CCSER2: variants seen among roughly 807,000 people sequenced by gnomAD.
The protein encoded by CCSER2 is coiled-coil serine rich protein 2, also known as serine-rich coiled-coil domain-containing protein 2.
A neutral mutation model predicts 92.3 loss-of-function variants in CCSER2; 46 were observed. The ratio of observed to expected loss-of-function variants is 0.50; its 90% confidence interval spans 0.39 to 0.64. The LOEUF is 0.64. CCSER2 is among the 30% of genes least tolerant of loss of function. The pLI is 0.00. For synonymous variants in CCSER2, 433 were observed against 431.4 expected (o/e 1.00, Z -0.04); for missense variants, 1,244 against 1,238.9 (o/e 1.00, Z -0.06).
chr10:84,457,909 T>C (rs1845871533), intron 6 of CCSER2, among the ~76,000 whole-genome samples: 1 of 151,020 alleles, frequency 6.6e-6, no homozygotes, highest in South Asian at 2.1e-4. Flanking sequence ...GCCCAGCTAA[T>C]TTTTTGTATT....
At chr10:84,358,697 C>T (rs1285311891) in intron 1 of CCSER2, among the ~76,000 whole-genome samples, 2 of 149,156 alleles carry the variant, frequency 1.3e-5, no homozygotes, top group African/African-American at 4.9e-5. Flanking sequence ...CACACACACA[C>T]GTGTATATAT....
At chr10:84,340,221 C>G (rs1282091977) in intron 1 of CCSER2, among the ~76,000 whole-genome samples, 1 of 152,198 alleles carries the variant, frequency 6.6e-6, no homozygotes, top group Non-Finnish European at 1.5e-5. Context: ...CATTATGCCT[C>G]TTCCATCTGT....
At chr10:84,428,816 G>GT (rs1247977105) in intron 5 of CCSER2, among the ~76,000 whole-genome samples, 1 of 151,958 alleles carries the variant, frequency 6.6e-6, no homozygotes, top group East Asian at 1.9e-4. Flanking sequence ...TCATGAAAGG[G>GT]TGTTGGATTT....
chr10:84,457,259 A>T lies in CCSER2; in HGVS notation c.2065-6674A>T, dbSNP rs1288591382. Among the ~76,000 whole-genome samples the T allele has an allele frequency of 6.0e-3, 333 of 55,074 alleles. 15 individuals are homozygous for T. The highest frequency in any genetic ancestry group is 0.051 in the Admixed American group (143 of 2,790). 36.1% of individuals were successfully genotyped at this position (55,074 alleles called of 152,430 possible). On this transcript the variant is annotated intron_variant, in intron 6 of 9. Transcript: ENST00000372088. ...ATATTATATATTATATATTATATAA[A>T]ATATATTATATATAATATATTATAT...
chr10:84,442,174 C>G (rs1185794375), intron 6 of CCSER2, among the ~76,000 whole-genome samples: 1 of 151,398 alleles, frequency 6.6e-6, no homozygotes, highest in Non-Finnish European at 1.5e-5. Flanking sequence ...AAGACAAATT[C>G]AGAAGGTTGG....
At chr10:84,458,180 T>G (rs1488707612) in intron 6 of CCSER2, among the ~76,000 whole-genome samples, 1 of 152,200 alleles carries the variant, frequency 6.6e-6, no homozygotes, top group Non-Finnish European at 1.5e-5. Context: ...GTTTTAAGTT[T>G]GAAACTTAGG....
chr10:84,389,544 G>A, intron 3 of CCSER2: 1 of 267,042 alleles, frequency 3.7e-6, no homozygotes. Flanking sequence ...GGGGGCCAGT[G>A]CAGATGTGGC....
At chr10:84,479,281 A>G (rs1847326178) in intron 9 of CCSER2, among the ~76,000 whole-genome samples, 1 of 152,242 alleles carries the variant, frequency 6.6e-6, no homozygotes, top group Non-Finnish European at 1.5e-5. Flanking sequence ...TGGCATAGCA[A>G]AGTTCCCATA....
At chr10:84,338,405 T>A (rs1164691430) in intron 1 of CCSER2, among the ~76,000 whole-genome samples, 1 of 152,192 alleles carries the variant, frequency 6.6e-6, no homozygotes, top group Non-Finnish European at 1.5e-5. Flanking sequence ...TACTTTTTTT[T>A]CTTTTGGCAT....
In CCSER2 at chr10:84,518,315, C is replaced by G. The variant is rs972856092; in HGVS notation, c.*4048C>G. The stretch of plus-strand genomic sequence containing the variant: ...AGCGTTTACTTAACAAAATAATACC[C>G]GAGAATGTAAGGTCTCTAAGTCATT... On this transcript the variant is annotated 3_prime_UTR_variant, in exon 10 of 10. Coordinates refer to ENST00000372088, the MANE Select transcript of CCSER2 (RefSeq NM_001284240.2). 2 of 152,398 alleles carry G rather than the reference C, an allele frequency of 1.3e-5. No homozygotes were observed. Among genetic ancestry groups the G allele is most frequent in the Non-Finnish European group, 2.9e-5 (2 of 68,010 alleles). The allele number at this position is 152,398 out of a possible 1,614,324, so 9.4% of individuals were successfully genotyped here. A position where few individuals can be genotyped will look rare whatever the true frequency, so the allele number is the denominator to read the frequency against.
chr10:84,506,915 G>A (rs1397716520), intron 9 of CCSER2, among the ~76,000 whole-genome samples: 1 of 151,850 alleles, frequency 6.6e-6, no homozygotes, highest in Non-Finnish European at 1.5e-5. Flanking sequence ...AGGTTACTTG[G>A]GACTAAAACT....
chr10:84,511,473 CAT>C (rs149459651), intron 9 of CCSER2, among the ~76,000 whole-genome samples: 2,807 of 152,268 alleles, frequency 0.018, 95 homozygotes, highest in African/African-American at 0.063. Flanking sequence ...ACTGATAGCA[CAT>C]GTTTATACCT....
chr10:84,371,094 G>A lies in CCSER2; in HGVS notation c.42G>A (p.Lys14=). 1 of 1,601,570 alleles carries A rather than the reference G, an allele frequency of 6.2e-7. No homozygotes were observed. The highest frequency in any genetic ancestry group is 8.5e-7 in the Non-Finnish European group (1 of 1,175,544). Residue 14 remains lysine (K), a synonymous_variant, in exon 2 of 10, where the codon AAG becomes AAA. Coordinates refer to ENST00000372088, the MANE Select transcript of CCSER2 (RefSeq NM_001284240.2). The stretch of plus-strand genomic sequence containing the variant: ...AAATCAAGACATTTTTGGGTTCCAA[G>A]TTGCCAAAGTATGGAACAAAATCTG... ...KTQIKTFLGS[K]LPKYGTKSVR... is the part of the protein sequence containing the mutation.
intron 9 of CCSER2, among the ~76,000 whole-genome samples, chr10:84,499,306 T>G (rs1357377903): frequency 6.6e-6 from 1 of 152,124 alleles, no homozygotes; most frequent in East Asian, 1.9e-4. Flanking sequence ...TGGCTAATTT[T>G]TGTAGTTTTA....
chr10:84,423,735 AAAG>A (rs1470878964), intron 4 of CCSER2, among the ~76,000 whole-genome samples: 6 of 152,344 alleles, frequency 3.9e-5, no homozygotes, highest in Admixed American at 1.3e-4. Context: ...TACTTAAACT[AAAG>A]AAACATTTTA....
intron 9 of CCSER2, among the ~76,000 whole-genome samples, chr10:84,489,392 T>C (rs956836721): frequency 7.2e-5 from 11 of 152,216 alleles, no homozygotes; most frequent in Non-Finnish European, 1.5e-4. Context: ...TCTAGGTCTC[T>C]AAGGACTTGC....
chr10:84,517,351 A>T lies in CCSER2; in HGVS notation c.*3084A>T, dbSNP rs1849630419. 6.6e-6 allele frequency: 1 copy of T among 152,670 alleles called. No individual in the cohort carries two copies. 9.5% of individuals were successfully genotyped at this position (152,670 alleles called of 1,614,324 possible). A position where few individuals can be genotyped will look rare whatever the true frequency, so the allele number is the denominator to read the frequency against. ...CATTAAAGGATTATAGAGTTATGTC[A>T]TTTAGACTGTTTCTAATAACTGAGA... On this transcript the variant is annotated 3_prime_UTR_variant, in exon 10 of 10. Coordinates refer to ENST00000372088, the MANE Select transcript of CCSER2 (RefSeq NM_001284240.2).
At chr10:84,375,398 A>G (rs1268445180) in intron 3 of CCSER2, among the ~76,000 whole-genome samples, 1 of 152,154 alleles carries the variant, frequency 6.6e-6, no homozygotes, top group Non-Finnish European at 1.5e-5. Context: ...AAGAATAGAG[A>G]GTTGATGGCA....
At chr10:84,465,103 C>G (rs936170119) in intron 7 of CCSER2, among the ~76,000 whole-genome samples, 2 of 151,714 alleles carry the variant, frequency 1.3e-5, no homozygotes, top group Non-Finnish European at 2.9e-5. Context: ...TCAGCAGGTT[C>G]ACAGCAGGCC....
Sources: gnomAD v4.1 joint callset for allele counts (sites outside exome capture counted in the v4.1 genomes callset) on GRCh38, gnomAD v4.1.1 for gene constraint, MANE v1.5 for transcripts, NCBI Gene and HGNC (gene_info 2026-07-23, HGNC 2026-07-21) for gene names.